DCTN4: variants seen among roughly 807,000 people sequenced by gnomAD.
DCTN4 encodes dynactin subunit 4.
Under a neutral mutation model 62.7 loss-of-function variants are expected in DCTN4, and 23 were observed. The ratio of observed to expected loss-of-function variants is 0.37; its 90% CI spans 0.26 to 0.52. The LOEUF (loss-of-function observed/expected upper bound fraction) is 0.52, where lower values mean the gene tolerates loss of function less well. DCTN4 is among the 20% of genes least tolerant of loss of function. DCTN4 has a pLI of 0.92. For missense variants in DCTN4, 514 were observed against 580.4 expected (o/e 0.89, Z 1.18); for synonymous variants, 199 against 202.1 (o/e 0.98, Z 0.13).
intron 8 of DCTN4, among the ~76,000 whole-genome samples, chr5:150,725,854 G>A (rs964517326): frequency 6.6e-6 from 1 of 152,096 alleles, no homozygotes; most frequent in Non-Finnish European, 1.5e-5. Flanking sequence ...GGGTGCCCCA[G>A]GTCTCTCCAA....
In DCTN4 at chr5:150,729,042, C is replaced by CTTTTTTT. The variant is rs61106544; in HGVS notation, c.834+1582_834+1588dup. ...ACAAGTGTGTGAACCACCACACTGG[C>CTTTTTTT]TTTTTTTTTTTTTTTTTTTTTTTTT... On this transcript the variant is annotated intron_variant, in intron 8 of 12. Coordinates refer to ENST00000447998, the MANE Select transcript of DCTN4 (RefSeq NM_016221.4). Among the ~76,000 whole-genome samples the CTTTTTTT allele has an allele frequency of 3.1e-3, 162 of 52,124 alleles. 25 individuals carry two copies. Among genetic ancestry groups the CTTTTTTT allele is most frequent in the African/African-American group, 8.5e-3 (112 of 13,124 alleles). The allele number at this position is 52,124 out of a possible 152,430, so 34.2% of individuals were successfully genotyped here. A position where few individuals can be genotyped will look rare whatever the true frequency, so the allele number is the denominator to read the frequency against.
chr5:150,723,108 T>C (rs890306589), intron 8 of DCTN4, 128 bp from the exon 9 acceptor site: 11 of 655,270 alleles, frequency 1.7e-5, no homozygotes, highest in African/African-American at 3.7e-5. Context: ...TATAAGACCA[T>C]ATGTTTTTGA....
intron 9 of DCTN4, among the ~76,000 whole-genome samples, chr5:150,721,724 C>T (rs1421557149): frequency 6.6e-6 from 1 of 152,146 alleles, no homozygotes; most frequent in African/African-American, 2.4e-5. Context: ...TCTGGGAATT[C>T]TCTATGCCTG....
rs1338223976 is a variant in DCTN4 at position 150,710,155 on chromosome 5, C to G, written c.*994G>C. Reference sequence around the variant, plus strand: ...CAAGAGATTATAATAGTTAATTTCCCCTTCAAATCAATGGAAAGAATGCTA... The same window carrying G: ...CAAGAGATTATAATAGTTAATTTCCGCTTCAAATCAATGGAAAGAATGCTA... On this transcript the variant is annotated 3_prime_UTR_variant, in exon 13 of 13. Transcript: ENST00000447998. 1 of 152,238 alleles carries G rather than the reference C, an allele frequency of 6.6e-6. No homozygotes were observed. Among genetic ancestry groups the G allele is most frequent in the Non-Finnish European group, 1.5e-5 (1 of 68,022 alleles). The allele number at this position is 152,238 out of a possible 1,614,324, so 9.4% of individuals were successfully genotyped here. A position where few individuals can be genotyped will look rare whatever the true frequency, so the allele number is the denominator to read the frequency against.
intron 3 of DCTN4, among the ~76,000 whole-genome samples, chr5:150,749,644 C>G (rs1752598562): frequency 6.7e-6 from 1 of 150,154 alleles, no homozygotes; most frequent in African/African-American, 2.5e-5. Flanking sequence ...GGAGAAACCC[C>G]ATCTCTACTT....
intron 3 of DCTN4, among the ~76,000 whole-genome samples, chr5:150,747,437 T>A (rs1752494550): frequency 6.6e-6 from 1 of 152,160 alleles, no homozygotes; most frequent in South Asian, 2.1e-4. Flanking sequence ...TGGAAAAAAC[T>A]ACTTTAAAGT....
At chr5:150,755,655 T>C (rs75663415) in intron 2 of DCTN4, 7,818 of 436,386 alleles carry the variant, frequency 0.018, 528 homozygotes, top group African/African-American at 0.14. Context: ...TTTGAGGTCA[T>C]CAAAACCAAG....
At chr5:150,751,190 A>G (rs548540410) in intron 3 of DCTN4, among the ~76,000 whole-genome samples, 8 of 152,136 alleles carry the variant, frequency 5.3e-5, no homozygotes, top group Non-Finnish European at 1.2e-4. Flanking sequence ...ACAGACAAGT[A>G]CTTATAAATA....
chr5:150,740,933 C>T (rs1215161097), intron 4 of DCTN4, among the ~76,000 whole-genome samples: 1 of 152,166 alleles, frequency 6.6e-6, no homozygotes, highest in East Asian at 1.9e-4. Flanking sequence ...TAAAATACTA[C>T]ACATTAGGTA....
chr5:150,743,159 C>T (rs1407169968), intron 3 of DCTN4: 1 of 152,750 alleles, frequency 6.5e-6, no homozygotes, highest in African/African-American at 2.4e-5. Context: ...GGAAACGGCG[C>T]ACCAGGAGAT....
rs775322907 is a variant in DCTN4, at chr5:150,759,014, T to A, written c.-21A>T. On this transcript the variant is annotated 5_prime_UTR_variant, in exon 1 of 13. Coordinates refer to ENST00000447998, the MANE Select transcript of DCTN4 (RefSeq NM_016221.4). ...GCCATCTTGGGGAGGGAGGAGGCGA[T>A]GACGCTCCCGGCGCATCACGTGACC... 6.2e-7 allele frequency: 1 copy of A among 1,611,870 alleles called. No individual in the cohort carries two copies.
At chr5:150,719,007 A>G (rs1759869872) in intron 10 of DCTN4, among the ~76,000 whole-genome samples, 1 of 151,942 alleles carries the variant, frequency 6.6e-6, no homozygotes, top group South Asian at 2.1e-4. Flanking sequence ...TTTTGTAGAG[A>G]TGGGGTTTCC....
At position 150,712,720 on chromosome 5, in the gene DCTN4, T is replaced by C. The variant is rs182708370; in HGVS notation, c.1170-1358A>G. On this transcript the variant is annotated intron_variant, in intron 12 of 12. Coordinates refer to ENST00000447998, the MANE Select transcript of DCTN4 (RefSeq NM_016221.4). ...CACAAAAATGTCTCTTCATTGAGGTTTGCATTTCAATTTCCCCTCATTTGT... is the reference window on the plus strand; with the variant it reads ...CACAAAAATGTCTCTTCATTGAGGTCTGCATTTCAATTTCCCCTCATTTGT... Among the ~76,000 whole-genome samples, 653 of 152,356 alleles carry C rather than the reference T, an allele frequency of 4.3e-3. 3 individuals are homozygous for C. Among genetic ancestry groups the C allele is most frequent in the South Asian group, 0.019 (90 of 4,830 alleles).
At chr5:150,723,211 T>C (rs1460152358) in intron 8 of DCTN4, among the ~76,000 whole-genome samples, 1 of 152,184 alleles carries the variant, frequency 6.6e-6, no homozygotes, top group Non-Finnish European at 1.5e-5. Context: ...CTGTGGTACT[T>C]AAAAACTACT....
chr5:150,730,555 A>G, intron 8 of DCTN4, 76 bp downstream of exon 8: 1 of 1,292,420 alleles, frequency 7.7e-7, no homozygotes. Context: ...AGGTTTTGAC[A>G]TTAGTCAGAC....
chr5:150,744,814 C>T lies in DCTN4; in HGVS notation c.386-2657G>A, dbSNP rs544644221. The stretch of plus-strand genomic sequence containing the variant: ...AGCACTAAACATGGAAAGGCACAAC[C>T]GGTACCAGCCGCTGCAAAATCATGC... On this transcript the variant is annotated intron_variant, in intron 3 of 12. Transcript: ENST00000447998. Among the ~76,000 whole-genome samples the T allele has an allele frequency of 8.7e-4, 133 of 152,092 alleles. 1 individual carries two copies. Among genetic ancestry groups the T allele is most frequent in the African/African-American group, 2.8e-3 (118 of 41,456 alleles).
intron 4 of DCTN4, among the ~76,000 whole-genome samples, chr5:150,737,821 GA>G (rs1204627705): frequency 1.3e-5 from 2 of 152,138 alleles, no homozygotes; most frequent in East Asian, 3.9e-4. Context: ...AAAGATAAAT[GA>G]AACGAAAAGC....
chr5:150,736,758 C>T (rs1026526402), intron 4 of DCTN4, among the ~76,000 whole-genome samples: 2 of 152,038 alleles, frequency 1.3e-5, no homozygotes, highest in African/African-American at 4.8e-5. Context: ...AATAGTACCT[C>T]ACATCTCAAT....
At chr5:150,749,461 G>C (rs1752590882) in intron 3 of DCTN4, among the ~76,000 whole-genome samples, 1 of 152,184 alleles carries the variant, frequency 6.6e-6, no homozygotes, top group Non-Finnish European at 1.5e-5. Flanking sequence ...GGGTTGTCAA[G>C]GGATTGGAAC....
Sources: gnomAD v4.1 joint callset for allele counts (sites outside exome capture counted in the v4.1 genomes callset) on GRCh38, gnomAD v4.1.1 for gene constraint, MANE v1.5 for transcripts, NCBI Gene and HGNC (gene_info 2026-07-23, HGNC 2026-07-21) for gene names.